Variants in FHIT observed in about 807,000 individuals in gnomAD.
FHIT encodes bis(5'-adenosyl)-triphosphatase.
In FHIT, 19 loss-of-function variants were observed where a neutral mutation model predicts 17.9. The ratio of observed to expected loss-of-function variants is 1.06; its 90% CI spans 0.74 to 1.56. The LOEUF is 1.56. Ranked by LOEUF, FHIT falls within the 40% of genes most tolerant of loss-of-function variation. FHIT has a pLI of 0.00. For missense variants in FHIT, 248 were observed against 189.2 expected (o/e 1.31, Z -1.82); for synonymous variants, 81 against 69.7 (o/e 1.16, Z -0.81).
chr3:61,234,292 T>C (rs2040174902), intron 1 of FHIT, among the ~76,000 whole-genome samples: 1 of 152,120 alleles, frequency 6.6e-6, no homozygotes, highest in Non-Finnish European at 1.5e-5. Context: ...AAATGTCTCC[T>C]AAGAAAAAAT....
intron 2 of FHIT, among the ~76,000 whole-genome samples, chr3:61,089,580 A>G (rs1262167099): frequency 6.6e-6 from 1 of 152,196 alleles, no homozygotes; most frequent in Non-Finnish European, 1.5e-5. Flanking sequence ...AAAATTGAAT[A>G]CAATTGTAAA....
chr3:60,965,153 CG>C (rs1553782759), intron 3 of FHIT, among the ~76,000 whole-genome samples: 1 of 151,802 alleles, frequency 6.6e-6, no homozygotes, highest in African/African-American at 2.4e-5. Context: ...TTTCTCTAAA[CG>C]TCTCTTCCGG....
At chr3:59,780,667 A>G (rs752385884) in intron 8 of FHIT, among the ~76,000 whole-genome samples, 1 of 152,198 alleles carries the variant, frequency 6.6e-6, no homozygotes, top group Non-Finnish European at 1.5e-5. Flanking sequence ...TTGTGCCCTT[A>G]TAAGGACATG....
chr3:59,772,309 T>A (rs1702109169), intron 8 of FHIT, among the ~76,000 whole-genome samples: 1 of 152,242 alleles, frequency 6.6e-6, no homozygotes, highest in Non-Finnish European at 1.5e-5. Flanking sequence ...TCACCCACGC[T>A]ATTAGGCAGA....
intron 5 of FHIT, among the ~76,000 whole-genome samples, chr3:60,153,999 T>C (rs532186007): frequency 6.6e-6 from 1 of 152,300 alleles, no homozygotes; most frequent in Admixed American, 6.5e-5. Context: ...ACTATAAGTG[T>C]AATACTCTAA....
At chr3:60,405,657 C>T (rs1336105728) in intron 5 of FHIT, among the ~76,000 whole-genome samples, 1 of 152,176 alleles carries the variant, frequency 6.6e-6, no homozygotes, top group Non-Finnish European at 1.5e-5. Flanking sequence ...CAGAGGTCCC[C>T]AACTGGCAAA....
At chr3:59,897,767 T>C (rs1287174925) in intron 8 of FHIT, among the ~76,000 whole-genome samples, 1 of 145,744 alleles carries the variant, frequency 6.9e-6, no homozygotes, top group Admixed American at 7.0e-5. Context: ...TGAAACTTTT[T>C]TTTTCTTTTT....
chr3:61,246,839 G>A (rs1356592917), intron 1 of FHIT, among the ~76,000 whole-genome samples: 1 of 151,904 alleles, frequency 6.6e-6, no homozygotes. Context: ...TTCTGTACAT[G>A]TATCCCAGAA....
intron 5 of FHIT, among the ~76,000 whole-genome samples, chr3:60,198,262 C>T (rs1702736481): frequency 6.6e-6 from 1 of 152,128 alleles, no homozygotes; most frequent in Non-Finnish European, 1.5e-5. Context: ...ATCATATGCT[C>T]AGTCACAAAT....
At chr3:61,241,858 G>C (rs1171068054) in intron 1 of FHIT, among the ~76,000 whole-genome samples, 2 of 151,952 alleles carry the variant, frequency 1.3e-5, no homozygotes, top group Admixed American at 1.3e-4. Context: ...AGAAAACACT[G>C]GCATACAAAC....
intron 3 of FHIT, among the ~76,000 whole-genome samples, chr3:60,900,057 A>G (rs1706032376): frequency 6.6e-6 from 1 of 152,188 alleles, no homozygotes; most frequent in African/African-American, 2.4e-5. Flanking sequence ...ATGGCAATAC[A>G]AAGAAAGAGT....
intron 5 of FHIT, among the ~76,000 whole-genome samples, chr3:60,016,273 T>C (rs575889294): frequency 6.6e-6 from 1 of 152,316 alleles, no homozygotes; most frequent in African/African-American, 2.4e-5. Context: ...CCCTATAATC[T>C]AGAGTATAGA....
chr3:61,143,965 A>C (rs1334499337), intron 2 of FHIT, among the ~76,000 whole-genome samples: 1 of 152,254 alleles, frequency 6.6e-6, no homozygotes, highest in East Asian at 1.9e-4. Context: ...TTGACAGTCC[A>C]GGCAATTATT....
At chr3:60,542,263 T>C (rs188879420) in intron 4 of FHIT, among the ~76,000 whole-genome samples, 89 of 152,314 alleles carry the variant, frequency 5.8e-4, no homozygotes, top group African/African-American at 2.0e-3. Context: ...CTAGCTTGAT[T>C]ACAACCTTTT....
intron 2 of FHIT, among the ~76,000 whole-genome samples, chr3:61,166,172 G>A (rs972983902): frequency 6.6e-6 from 1 of 152,180 alleles, no homozygotes; most frequent in Non-Finnish European, 1.5e-5. Flanking sequence ...GATAGGTACA[G>A]AATTTAAGAG....
At chr3:60,637,534 C>T (rs1553684248) in intron 4 of FHIT, among the ~76,000 whole-genome samples, 1 of 152,094 alleles carries the variant, frequency 6.6e-6, no homozygotes, top group East Asian at 1.9e-4. Context: ...GAACTGCTAC[C>T]ATCACTACTA....
intron 2 of FHIT, among the ~76,000 whole-genome samples, chr3:61,125,932 A>G (rs1236367030): frequency 6.6e-6 from 1 of 152,214 alleles, no homozygotes; most frequent in Non-Finnish European, 1.5e-5. Context: ...ACTGTGAAGT[A>G]GGTATTACCT....
intron 5 of FHIT, among the ~76,000 whole-genome samples, chr3:60,289,652 A>T (rs1707893063): frequency 6.6e-6 from 1 of 152,200 alleles, no homozygotes; most frequent in Non-Finnish European, 1.5e-5. Flanking sequence ...TATTTATATA[A>T]CAAGCTAAAA....
chr3:60,352,856 A>C (rs1333047195), intron 5 of FHIT, among the ~76,000 whole-genome samples: 1 of 152,040 alleles, frequency 6.6e-6, no homozygotes, highest in African/African-American at 2.4e-5. Context: ...CAGTTTTGTC[A>C]GGTGCCAGGA....
Sources: gnomAD v4.1 joint callset for allele counts (sites outside exome capture counted in the v4.1 genomes callset) on GRCh38, gnomAD v4.1.1 for gene constraint, MANE v1.5 for transcripts, NCBI Gene and HGNC (gene_info 2026-07-23, HGNC 2026-07-21) for gene names.